UNC5D: variants seen among roughly 807,000 people sequenced by gnomAD.
The protein encoded by UNC5D is unc-5 netrin receptor D.
UNC5D carries 39 observed loss-of-function variants against 105.4 expected under a neutral mutation model. The ratio of observed to expected loss-of-function variants is 0.37; its 90% CI spans 0.29 to 0.48. The LOEUF is 0.48. Among genes scored for constraint, UNC5D ranks in the 20% least tolerant of loss-of-function variants. The pLI, the probability that UNC5D is intolerant of heterozygous loss-of-function variation, is 0.98. For missense variants in UNC5D, 991 were observed against 1,202.4 expected, an observed-to-expected ratio of 0.82 and a Z score of 2.60; for synonymous variants, 452 against 450.4, an observed-to-expected ratio of 1.00 and a Z score of -0.04.
At chr8:35,493,186 C>G (rs140530099) in intron 1 of UNC5D, among the ~76,000 whole-genome samples, 1 of 147,458 alleles carries the variant, frequency 6.8e-6, no homozygotes, top group Non-Finnish European at 1.5e-5. Context: ...TACTTTGGGG[C>G]GGCATTCTCT....
At chr8:35,634,764 T>A (rs1822252994) in intron 4 of UNC5D, among the ~76,000 whole-genome samples, 1 of 151,904 alleles carries the variant, frequency 6.6e-6, no homozygotes, top group African/African-American at 2.4e-5. Context: ...TTTCTTTTTT[T>A]TTTTTCTTTC....
chr8:35,564,275 A>G (rs1353810626), intron 2 of UNC5D, among the ~76,000 whole-genome samples: 1 of 152,062 alleles, frequency 6.6e-6, no homozygotes, highest in Non-Finnish European at 1.5e-5. Context: ...GCTTAAACAC[A>G]TTTCTTACCT....
At chr8:35,488,078 G>A (rs746617656) in intron 1 of UNC5D, among the ~76,000 whole-genome samples, 1 of 152,186 alleles carries the variant, frequency 6.6e-6, no homozygotes, top group South Asian at 2.1e-4. Context: ...ATCAGAACAT[G>A]AAGATTTGGA....
intron 1 of UNC5D, among the ~76,000 whole-genome samples, chr8:35,506,750 G>A (rs966106622): frequency 2.0e-5 from 3 of 152,158 alleles, no homozygotes; most frequent in Non-Finnish European, 2.9e-5. Flanking sequence ...TAAAAGGAAG[G>A]ATTCAGAACA....
chr8:35,292,019 C>G (rs1277692054), intron 1 of UNC5D, among the ~76,000 whole-genome samples: 1 of 152,180 alleles, frequency 6.6e-6, no homozygotes, highest in African/African-American at 2.4e-5. Flanking sequence ...CCCATTTTGG[C>G]AAGCTAATTG....
At chr8:35,699,050 A>G (rs1336044654) in intron 7 of UNC5D, among the ~76,000 whole-genome samples, 1 of 152,190 alleles carries the variant, frequency 6.6e-6, no homozygotes, top group Non-Finnish European at 1.5e-5. Context: ...AGAAAGTCTC[A>G]TAGATATTGG....
At chr8:35,251,958 G>A (rs1191791603) in intron 1 of UNC5D, among the ~76,000 whole-genome samples, 1 of 151,810 alleles carries the variant, frequency 6.6e-6, no homozygotes. Flanking sequence ...ATATAGCATA[G>A]GCATTACATC....
intron 1 of UNC5D, among the ~76,000 whole-genome samples, chr8:35,502,370 G>A (rs2130252853): frequency 6.6e-6 from 1 of 152,272 alleles, no homozygotes; most frequent in East Asian, 1.9e-4. Context: ...ACATGCGTGT[G>A]GCAGGATCAA....
At chr8:35,289,744 AT>A (rs1427634594) in intron 1 of UNC5D, among the ~76,000 whole-genome samples, 1 of 152,206 alleles carries the variant, frequency 6.6e-6, no homozygotes, top group African/African-American at 2.4e-5. Flanking sequence ...TTGAACAGTC[AT>A]TTTTGAAAAG....
intron 11 of UNC5D, among the ~76,000 whole-genome samples, chr8:35,732,356 G>A (rs1034081099): frequency 2.0e-5 from 3 of 152,064 alleles, no homozygotes; most frequent in Admixed American, 6.6e-5. Context: ...GTGCTATGTT[G>A]GGATCTCATG....
At position 35,403,756 on chromosome 8, in the gene UNC5D, C is replaced by A. The variant is rs144653281; in HGVS notation, c.104-145536C>A. 6.4e-4 allele frequency among the ~76,000 whole-genome samples: 97 copies of A among 152,290 alleles called. No individual in the cohort carries two copies. In the South Asian group the frequency reaches 7.7e-3, roughly 12 times the overall value. ...TTCTTTCGCTCACAATAAGAAAATT[C>A]TGCTGCTAATATAGAGAATGACCAA... On this transcript the variant is annotated intron_variant, in intron 1 of 16. Transcript: ENST00000404895.
intron 1 of UNC5D, among the ~76,000 whole-genome samples, chr8:35,535,949 C>A (rs1202644205): frequency 1.3e-5 from 2 of 152,094 alleles, no homozygotes; most frequent in African/African-American, 2.4e-5. Flanking sequence ...AATATAGAAG[C>A]TAAGGTAGGT....
chr8:35,456,532 T>C (rs1297387934), intron 1 of UNC5D, among the ~76,000 whole-genome samples: 2 of 152,170 alleles, frequency 1.3e-5, no homozygotes, highest in East Asian at 1.9e-4. Context: ...CTACCTAACA[T>C]TGGGCTCCAT....
intron 1 of UNC5D, among the ~76,000 whole-genome samples, chr8:35,516,901 A>G (rs1813133078): frequency 6.6e-6 from 1 of 152,180 alleles, no homozygotes; most frequent in Non-Finnish European, 1.5e-5. Flanking sequence ...TGTTAACTAG[A>G]TATATCATAA....
At chr8:35,720,056 C>T (rs1828489872) in intron 8 of UNC5D, among the ~76,000 whole-genome samples, 2 of 152,304 alleles carry the variant, frequency 1.3e-5, no homozygotes, top group Admixed American at 1.3e-4. Context: ...GGATCTATAT[C>T]TGGAGGGAGA....
intron 4 of UNC5D, among the ~76,000 whole-genome samples, chr8:35,598,120 G>A (rs1261271954): frequency 2.6e-5 from 4 of 152,102 alleles, no homozygotes; most frequent in Non-Finnish European, 5.9e-5. Flanking sequence ...CACTTGCTCA[G>A]TAAGGCCTGC....
intron 1 of UNC5D, among the ~76,000 whole-genome samples, chr8:35,371,541 T>A (rs1802429100): frequency 6.6e-6 from 1 of 152,124 alleles, no homozygotes; most frequent in Non-Finnish European, 1.5e-5. Flanking sequence ...AGTAAACACC[T>A]GCTGTAGAAG....
chr8:35,568,878 G>A (rs1817541563), intron 3 of UNC5D, among the ~76,000 whole-genome samples: 1 of 151,986 alleles, frequency 6.6e-6, no homozygotes, highest in Admixed American at 6.6e-5. Flanking sequence ...AAAGTTCAAG[G>A]GGCACTTATG....
rs1000381279 is a variant in UNC5D at position 35,791,767 on chromosome 8, A to G, written c.*1204A>G. The G allele has an allele frequency of 1.3e-5, 2 of 152,112 alleles. No homozygotes were observed. The highest frequency in any genetic ancestry group is 4.8e-5 in the African/African-American group (2 of 41,432). The allele number at this position is 152,112 out of a possible 1,614,324, so 9.4% of individuals were successfully genotyped here. A position where few individuals can be genotyped will look rare whatever the true frequency, so the allele number is the denominator to read the frequency against. Reference sequence around the variant, plus strand: ...TTCAGGAAGCCTTCACCCTGTGACTATTCAGCCTCCCTGAATATGCTTTCT... The same window carrying G: ...TTCAGGAAGCCTTCACCCTGTGACTGTTCAGCCTCCCTGAATATGCTTTCT... On this transcript the variant is annotated 3_prime_UTR_variant, in exon 17 of 17. Transcript: ENST00000404895.
Sources: allele counts gnomAD v4.1 joint callset (sites outside exome capture counted in the v4.1 genomes callset), GRCh38; gene constraint gnomAD v4.1.1; transcripts MANE v1.5; gene names NCBI Gene and HGNC (gene_info 2026-07-23, HGNC 2026-07-21).